Variants in CDH4 observed in about 807,000 individuals in gnomAD.
CDH4 encodes cadherin 4, also known as cadherin-4.
In CDH4, 33 loss-of-function variants were observed where a neutral mutation model predicts 86.0. The observed-to-expected ratio is 0.38, with a 90% CI of 0.29 to 0.51. The LOEUF is 0.51. Among genes scored for constraint, CDH4 ranks in the 20% least tolerant of loss-of-function variants. The pLI is 0.86. For synonymous variants in CDH4, 555 were observed against 549.4 expected (o/e 1.01, Z -0.14); for missense variants, 1,114 against 1,307.4 (o/e 0.85, Z 2.28).
intron 9 of CDH4, among the ~76,000 whole-genome samples, chr20:61,917,395 C>A (rs1280661425): frequency 6.6e-6 from 1 of 152,266 alleles, no homozygotes; most frequent in African/African-American, 2.4e-5. Context: ...TCTCGTCTTA[C>A]CCATGGCCCT....
At chr20:61,899,970 T>G (rs964187063) in intron 8 of CDH4, among the ~76,000 whole-genome samples, 2 of 152,168 alleles carry the variant, frequency 1.3e-5, no homozygotes, top group South Asian at 2.1e-4. Context: ...GGTCCCCATG[T>G]TTTTGAGGTC....
At chr20:61,521,393 G>T (rs2085867986) in intron 2 of CDH4, among the ~76,000 whole-genome samples, 1 of 152,156 alleles carries the variant, frequency 6.6e-6, no homozygotes. Flanking sequence ...CGAGTTTGTA[G>T]GGATCGTAAG....
intron 2 of CDH4, among the ~76,000 whole-genome samples, chr20:61,473,557 A>G (rs1042902944): frequency 1.3e-5 from 2 of 152,180 alleles, no homozygotes; most frequent in African/African-American, 4.8e-5. Context: ...CATTTTAACC[A>G]ATAGAACCAT....
intron 2 of CDH4, among the ~76,000 whole-genome samples, chr20:61,495,604 T>C (rs1185738197): frequency 6.6e-6 from 1 of 151,284 alleles, no homozygotes; most frequent in Non-Finnish European, 1.5e-5. Context: ...AGAAAGAAGG[T>C]AAGAGAGTCC....
intron 2 of CDH4, among the ~76,000 whole-genome samples, chr20:61,528,848 T>C (rs2085932088): frequency 7.4e-6 from 1 of 135,378 alleles, no homozygotes; most frequent in African/African-American, 2.9e-5. Context: ...GTGATGATCT[T>C]GATTTTTTTT....
At chr20:61,897,312 C>T (rs1985174577) in intron 8 of CDH4, among the ~76,000 whole-genome samples, 1 of 151,872 alleles carries the variant, frequency 6.6e-6, no homozygotes, top group Non-Finnish European at 1.5e-5. Flanking sequence ...GGGAGGCAAG[C>T]CCTACCCCTC....
In CDH4 at chr20:61,565,243, C is replaced by T. The variant is rs186168070; in HGVS notation, c.170-178320C>T. ...TGGTAGGTGGTGGTGGTGGTGGTGG[C>T]GGTGCTCTTGGTGATGGTGGTGGTG... On this transcript the variant is annotated intron_variant, in intron 2 of 15. Transcript: ENST00000614565. Among the ~76,000 whole-genome samples the T allele has an allele frequency of 6.4e-3, 226 of 35,476 alleles. 9 individuals are homozygous for T. The highest frequency in any genetic ancestry group is 0.018 in the African/African-American group (140 of 7,720). The allele number at this position is 35,476 out of a possible 152,430, so 23.3% of individuals were successfully genotyped here. A position where few individuals can be genotyped will look rare whatever the true frequency, so the allele number is the denominator to read the frequency against.
chr20:61,557,847 C>T (rs1476706519), intron 2 of CDH4, among the ~76,000 whole-genome samples: 1 of 149,640 alleles, frequency 6.7e-6, no homozygotes, highest in African/African-American at 2.4e-5. Context: ...ACGATAATGA[C>T]GCGGCGCTGG....
At chr20:61,345,768 C>T (rs2084675954) in intron 2 of CDH4, among the ~76,000 whole-genome samples, 1 of 152,158 alleles carries the variant, frequency 6.6e-6, no homozygotes, top group Admixed American at 6.5e-5. Flanking sequence ...GCTTCATCCT[C>T]GGGGAGGGCT....
At chr20:61,650,393 C>G (rs2087108802) in intron 2 of CDH4, among the ~76,000 whole-genome samples, 1 of 152,178 alleles carries the variant, frequency 6.6e-6, no homozygotes, top group Admixed American at 6.5e-5. Flanking sequence ...GAATAAATGC[C>G]ATGTTTGTCT....
intron 2 of CDH4, among the ~76,000 whole-genome samples, chr20:61,398,947 C>A (rs1305282210): frequency 6.6e-6 from 1 of 152,122 alleles, no homozygotes; most frequent in Non-Finnish European, 1.5e-5. Flanking sequence ...GATTGTGCAG[C>A]CTCTGGCCAT....
chr20:61,855,039 G>C (rs1488393945), intron 6 of CDH4, among the ~76,000 whole-genome samples: 5 of 129,042 alleles, frequency 3.9e-5, no homozygotes, highest in Admixed American at 3.7e-4. Context: ...GTGTGAACAG[G>C]GTGAATTGTG....
intron 2 of CDH4, among the ~76,000 whole-genome samples, chr20:61,386,390 T>A (rs2084950821): frequency 6.6e-6 from 1 of 152,138 alleles, no homozygotes; most frequent in Non-Finnish European, 1.5e-5. Context: ...GATTCTCACC[T>A]CCCAGCCACC....
At chr20:61,600,305 C>G (rs1403990247) in intron 2 of CDH4, among the ~76,000 whole-genome samples, 1 of 152,190 alleles carries the variant, frequency 6.6e-6, no homozygotes, top group South Asian at 2.1e-4. Flanking sequence ...GTGAGCGTGC[C>G]GTATTTCCCA....
In CDH4 at chr20:61,651,248, G is replaced by A. The variant is rs116928101; in HGVS notation, c.170-92315G>A. Among the ~76,000 whole-genome samples the A allele has an allele frequency of 7.9e-4, 120 of 152,334 alleles. 2 individuals are homozygous for A. The East Asian group carries it at 0.013, about 16-fold the overall frequency. ...GTGCTTGTGTGAGTGAGTTAGCATC[G>A]TGCTTGGCCATGGCAGTGAGTTCTG... On this transcript the variant is annotated intron_variant, in intron 2 of 15. Coordinates refer to ENST00000614565, the MANE Select transcript of CDH4 (RefSeq NM_001794.5).
chr20:61,768,500 C>A (rs1009753881), intron 3 of CDH4, among the ~76,000 whole-genome samples: 3 of 152,088 alleles, frequency 2.0e-5, no homozygotes, highest in African/African-American at 7.2e-5. Context: ...TCATTCACTC[C>A]GAAATACAGA....
At chr20:61,778,549 C>A (rs546902736) in intron 4 of CDH4, among the ~76,000 whole-genome samples, 1 of 151,988 alleles carries the variant, frequency 6.6e-6, no homozygotes, top group Non-Finnish European at 1.5e-5. Context: ...CTCTAATTGG[C>A]GGGGCTGTGG....
intron 2 of CDH4, among the ~76,000 whole-genome samples, chr20:61,472,007 C>T (rs1034872320): frequency 4.6e-5 from 7 of 152,070 alleles, no homozygotes; most frequent in African/African-American, 1.7e-4. Context: ...CTGTAAATAT[C>T]GATTAGGTCC....
chr20:61,252,525 C>G lies in CDH4; in HGVS notation c.12C>G (p.Gly4=), dbSNP rs2084067196. Residue 4 remains glycine (G), a synonymous_variant, in exon 1 of 16, where the codon GGC becomes GGG. Coordinates refer to ENST00000614565, the MANE Select transcript of CDH4 (RefSeq NM_001794.5). The surrounding 1 kb of genome is among the most constrained non-coding windows in gnomAD (Gnocchi z 4.4). MTA[G]AGVLLLLLSL... ...GGGCGGCGGGGAAGATGACCGCGGG[C>G]GCCGGCGTGCTCCTTCTGCTGCTCT... 4.2e-6 allele frequency: 5 copies of G among 1,194,292 alleles called. No homozygotes were observed. Among genetic ancestry groups the G allele is most frequent in the Admixed American group, 4.5e-5 (1 of 22,208 alleles). 74.0% of individuals were successfully genotyped at this position (1,194,292 alleles called of 1,614,324 possible).
Sources: gnomAD v4.1 joint callset for allele counts (sites outside exome capture counted in the v4.1 genomes callset) on GRCh38, gnomAD v4.1.1 for gene constraint, Gnocchi (gnomAD v3.1) non-coding constraint, MANE v1.5 for transcripts, NCBI Gene and HGNC (gene_info 2026-07-23, HGNC 2026-07-21) for gene names.